MUC4: variants seen among roughly 807,000 people sequenced by gnomAD.
The protein encoded by MUC4 is mucin-4.
In MUC4, 202 loss-of-function variants were observed where a neutral mutation model predicts 257.9. The observed-to-expected ratio is 0.78, with a 90% CI of 0.70 to 0.88. MUC4 has a LOEUF of 0.88. Among genes scored for constraint, MUC4 ranks in the 40% least tolerant of loss-of-function variants. The pLI, the probability that MUC4 is intolerant of heterozygous loss-of-function variation, is 0.00. For missense variants in MUC4, 5,976 were observed against 6,513.7 expected (o/e 0.92, Z 2.84); for synonymous variants, 2,351 against 2,757.1 (o/e 0.85, Z 4.62).
Position 195,788,662 on chromosome 3 carries a change from T to G in MUC4, c.2918A>C (p.Asn973Thr). Residue 973 changes from asparagine to threonine, a missense_variant, in exon 2 of 25, where the codon AAC (asparagine) becomes ACC (threonine). Physicochemically the swap from Asn to Thr is moderately conservative, Grantham distance 65. This residue lies in a region of MUC4 where 1,583 missense variants were observed against 1,257.4 expected (regional missense o/e 1.26). Coordinates refer to ENST00000463781, the MANE Select transcript of MUC4 (RefSeq NM_018406.7). ...GTAGGTGACAGGAAGAGGGGTGGCG[T>G]TGCTGATGAGGGCCGTGGTGAAGGT... The part of the protein sequence containing the change: ...GKTFTTALIS[N>T]ATPLPVTYAS... 1.2e-6 allele frequency: 2 copies of G among 1,608,094 alleles called. No homozygotes were observed. The highest frequency in any genetic ancestry group is 2.2e-5 in the East Asian group (1 of 44,840).
chr3:195,778,221 G>A, intron 3 of MUC4, 82 bp downstream of exon 3: 1 of 1,477,496 alleles, frequency 6.8e-7, no homozygotes, highest in Non-Finnish European at 9.1e-7. Flanking sequence ...CGAGAGAGCG[G>A]AGACTGTGGG....
rs13095016 is a variant in MUC4, at chr3:195,788,723, C to A, written c.2857G>T (p.Glu953Ter). The A allele has an allele frequency of 1.2e-6, 2 of 1,610,650 alleles. No individual in the cohort carries two copies. The highest frequency in any genetic ancestry group is 1.7e-5 in the Admixed American group (1 of 59,810). The change falls in exon 2 of 25, where the codon GAG (glutamate) becomes TAG (stop). Residue 953 changes from glutamate to a stop codon, truncating the protein, a stop_gained. Coordinates refer to ENST00000463781, the MANE Select transcript of MUC4 (RefSeq NM_018406.7). LOFTEE classifies it high-confidence loss of function. ...TSTGLTSPQT[E>*]THTLSPSGSG... ...CCTGAAGGTGACAGAGTGTGGGTCT[C>A]GGTTTGTGGAGATGTAAGCCCAGTG...
At position 195,771,636 on chromosome 3, in the gene MUC4, G is replaced by A; in HGVS notation, c.13242+16C>T. On this transcript the variant is annotated intron_variant, in intron 5 of 24. Transcript: ENST00000463781. Reference sequence around the variant, plus strand: ...GCTGCTGGGGGATCCTGACTGCCAGGCTTTGAAAGGCTCACCTGATAAAAT... The same window carrying A: ...GCTGCTGGGGGATCCTGACTGCCAGACTTTGAAAGGCTCACCTGATAAAAT... 6.2e-7 allele frequency: 1 copy of A among 1,608,652 alleles called. No homozygotes were observed. Among genetic ancestry groups the A allele is most frequent in the South Asian group, 1.1e-5 (1 of 90,908 alleles).
At chr3:195,778,610 C>T (rs566846016) in intron 2 of MUC4, among the ~76,000 whole-genome samples, 155 bp from the exon 3 acceptor site, 5 of 152,320 alleles carry the variant, frequency 3.3e-5, no homozygotes, top group South Asian at 2.1e-4. Flanking sequence ...CAGTGCTTTT[C>T]GATTGCGGCA....
In MUC4 at chr3:195,771,774, G is replaced by A; in HGVS notation, c.13120C>T (p.Gln4374Ter). The A allele has an allele frequency of 6.2e-7, 1 of 1,613,950 alleles. No individual in the cohort carries two copies. Among genetic ancestry groups the A allele is most frequent in the Non-Finnish European group, 8.5e-7 (1 of 1,179,854 alleles). ...GQIIFPESDY[Q>*]IFSYPNPLPT... ...AGTGGGTTGGGGTAGGAGAAAATCT[G>A]GTAGTCTGACTCTGGGAAGATGATC... Residue 4374 changes from glutamine (Q) to a stop codon, truncating the protein, a stop_gained, in exon 5 of 25, where the codon CAG (glutamine) becomes TAG (stop). Coordinates refer to ENST00000463781, the MANE Select transcript of MUC4 (RefSeq NM_018406.7). LOFTEE classifies it high-confidence loss of function.
At chr3:195,756,216 C>T (rs756682470) in intron 18 of MUC4, among the ~76,000 whole-genome samples, 9 of 152,154 alleles carry the variant, frequency 5.9e-5, no homozygotes, top group Non-Finnish European at 8.8e-5. Flanking sequence ...GGACTGTAAG[C>T]GGCCTCAGAA....
At position 195,770,901 on chromosome 3, in the gene MUC4, A is replaced by G. The variant is rs75852379; in HGVS notation, c.13243-530T>C. On this transcript the variant is annotated intron_variant, in intron 5 of 24. Coordinates refer to ENST00000463781, the MANE Select transcript of MUC4 (RefSeq NM_018406.7). ...CCCCCTACAGCCTGATTTTACAATC[A>G]AAGGCTGAATTGTCAGCCCCCATCC... is the stretch of plus-strand genomic sequence containing the variant. The G allele has an allele frequency of 6.6e-3, 3,023 of 455,484 alleles. 90 individuals are homozygous for G. Among genetic ancestry groups the G allele is most frequent in the African/African-American group, 0.056 (2,686 of 48,370 alleles). The allele number at this position is 455,484 out of a possible 1,614,324, so 28.2% of individuals were successfully genotyped here. A position where few individuals can be genotyped will look rare whatever the true frequency, so the allele number is the denominator to read the frequency against.
rs765942078 is a variant in MUC4, at chr3:195,748,945, G to A, written c.15991C>T (p.His5331Tyr). The A allele has an allele frequency of 3.1e-6, 5 of 1,600,828 alleles. No homozygotes were observed. The Admixed American group carries it at 6.8e-5, about 22-fold the overall frequency. The change falls in exon 24 of 25, where the codon CAT (histidine) becomes TAT (tyrosine). Residue 5331 changes from histidine to tyrosine, a missense_variant. Physicochemically the swap from His to Tyr is moderately conservative, Grantham distance 83 (BLOSUM62 2). This residue lies in a region of MUC4 where 310 missense variants were observed against 242.1 expected (regional missense o/e 1.28). Coordinates refer to ENST00000463781, the MANE Select transcript of MUC4 (RefSeq NM_018406.7). ...VSPCSRGYCDHGGQCQHLPSG... is the reference protein window; with the variant it reads ...VSPCSRGYCDYGGQCQHLPSG... ...GGCAGGTGCTGGCACTGGCCTCCATGGTCACAGTAGCCCCTACTGCACGGG... is the reference window on the plus strand; with the variant it reads ...GGCAGGTGCTGGCACTGGCCTCCATAGTCACAGTAGCCCCTACTGCACGGG...
rs565851753 is a variant in MUC4 at position 195,763,414 on chromosome 3, C to T, written c.14253+19G>A. The T allele has an allele frequency of 4.0e-5, 56 of 1,400,882 alleles. No homozygotes were observed. In the South Asian group the frequency reaches 8.8e-4, roughly 22 times the overall value. The allele number at this position is 1,400,882 out of a possible 1,614,324, so 86.8% of individuals were successfully genotyped here. ...CCTGTGGGTGGAATGCAGGGAGGTT[C>T]CCGGCACCCCTCACTCACCGTGACG... On this transcript the variant is annotated intron_variant, in intron 12 of 24. Transcript: ENST00000463781.
intron 7 of MUC4, 55 bp downstream of exon 7, chr3:195,768,967 G>A (rs911618191): frequency 1.5e-4 from 238 of 1,573,226 alleles, no homozygotes; most frequent in East Asian, 2.3e-4. Context: ...AGCGAAAGCC[G>A]ACTCTACACC....
At chr3:195,805,023 G>A (rs769464077) in intron 1 of MUC4, among the ~76,000 whole-genome samples, 2 of 152,108 alleles carry the variant, frequency 1.3e-5, no homozygotes, top group Non-Finnish European at 2.9e-5. Flanking sequence ...GCCTTCAGCC[G>A]AGGCTGGAGA....
In MUC4 at chr3:195,788,777, C is replaced by G. The variant is rs1364682627; in HGVS notation, c.2803G>C (p.Val935Leu). 1.9e-6 allele frequency: 3 copies of G among 1,613,714 alleles called. No homozygotes were observed. The highest frequency in any genetic ancestry group is 2.5e-6 in the Non-Finnish European group (3 of 1,179,824). ...ASQATDTFST[V>L]PPTPPSITST... ...GTGATCGATGGAGGTGTGGGTGGGA[C>G]TGTTGAGAAGGTGTCGGTTGCCTGG... Residue 935 changes from valine to leucine, a missense_variant, in exon 2 of 25, where the codon GTC (valine) becomes CTC (leucine). Physicochemically the swap from Val to Leu is conservative, Grantham distance 32. This residue lies in a region of MUC4 where 1,583 missense variants were observed against 1,257.4 expected (regional missense o/e 1.26). Coordinates refer to ENST00000463781, the MANE Select transcript of MUC4 (RefSeq NM_018406.7).
intron 7 of MUC4, among the ~76,000 whole-genome samples, chr3:195,767,780 A>G (rs1316820921): frequency 1.8e-5 from 2 of 113,900 alleles, no homozygotes; most frequent in African/African-American, 6.8e-5. Flanking sequence ...CACCACCATC[A>G]CCACCATCAT....
chr3:195,808,954 G>T (rs1316770806), intron 1 of MUC4, among the ~76,000 whole-genome samples: 4 of 152,158 alleles, frequency 2.6e-5, no homozygotes, highest in South Asian at 2.1e-4. Context: ...TGTGGCCGGC[G>T]TCCCCTCCCC....
chr3:195,790,992 C>T lies in MUC4; in HGVS notation c.588G>A (p.Gln196=). The change falls in exon 2 of 25, where the codon CAG becomes CAA. Residue 196 remains glutamine, a synonymous_variant. Coordinates refer to ENST00000463781, the MANE Select transcript of MUC4 (RefSeq NM_018406.7). ...TSIQDTSASS[Q]NHWTRSTQTT... ...TCTGCGTGCTCCGAGTCCAGTGGTT[C>T]TGAGAAGAAGCTGATGTGTCTTGGA... 1 of 1,613,948 alleles carries T rather than the reference C, an allele frequency of 6.2e-7. No individual in the cohort carries two copies. The highest frequency in any genetic ancestry group is 8.5e-7 in the Non-Finnish European group (1 of 1,179,878).
chr3:195,772,497 C>T (rs866362670), intron 4 of MUC4, among the ~76,000 whole-genome samples: 41 of 61,750 alleles, frequency 6.6e-4, no homozygotes, highest in Middle Eastern at 0.019. Flanking sequence ...AGACACCCTC[C>T]CTTCATCGCT....
rs897641322 is a variant in MUC4 at position 195,780,357 on chromosome 3, G to A, written c.11223C>T (p.His3741=). ...VTSPSSASTG[H]VTPLPVTSTS... ...TGCTGGTGACAGGAAGAGGGGTGAC[G>A]TGACCTGTGGATGCTGAGGAAGGGC... The change falls in exon 2 of 25, where the codon CAC becomes CAT. Residue 3741 remains histidine (H), a synonymous_variant. Coordinates refer to ENST00000463781, the MANE Select transcript of MUC4 (RefSeq NM_018406.7). The A allele has an allele frequency of 8.2e-5, 60 of 732,646 alleles. 2 individuals are homozygous for A. In the Middle Eastern group the frequency reaches 1.7e-3, roughly 20 times the overall value. The allele number at this position is 732,646 out of a possible 1,614,324, so 45.4% of individuals were successfully genotyped here.
chr3:195,753,035 G>T lies in MUC4; in HGVS notation c.15508+16C>A. On this transcript the variant is annotated intron_variant, in intron 20 of 24. Coordinates refer to ENST00000463781, the MANE Select transcript of MUC4 (RefSeq NM_018406.7). ...GGAAGAGTGCGGGGGTGAGAGGGCG[G>T]GGTCTCTGGCGGTACCTAGGTTGAC... The T allele has an allele frequency of 6.2e-7, 1 of 1,606,750 alleles. No individual in the cohort carries two copies. The highest frequency in any genetic ancestry group is 1.1e-5 in the South Asian group (1 of 90,528).
At chr3:195,762,397 G>GCC in intron 13 of MUC4, 143 bp from the exon 14 acceptor site, 1 of 931,472 alleles carries the variant, frequency 1.1e-6, no homozygotes, top group Non-Finnish European at 1.6e-6. Flanking sequence ...CGGAGAAGAG[G>GCC]CCGGCGAGCT....
Sources: gnomAD v4.1 joint callset for allele counts (sites outside exome capture counted in the v4.1 genomes callset) on GRCh38, gnomAD v4.1.1 for gene constraint, gnomAD v4.1.1 regional missense constraint, MANE v1.5 for transcripts, NCBI Gene and HGNC (gene_info 2026-07-23, HGNC 2026-07-21) for gene names.